ZNF331: variants seen among roughly 807,000 people sequenced by gnomAD.
The protein encoded by ZNF331 is C2H2-like zinc finger protein rearranged in thyroid adenomas.
ZNF331 carries 2 observed loss-of-function variants against 7.0 expected under a neutral mutation model. The ratio of observed to expected loss-of-function variants is 0.29; its 90% CI spans 0.12 to 0.90. ZNF331 has a LOEUF of 0.90. Among genes scored for constraint, ZNF331 ranks in the 40% least tolerant of loss-of-function variants. ZNF331 has a pLI of 0.58. For synonymous variants in ZNF331, 196 were observed against 205.4 expected, an observed-to-expected ratio of 0.95 and a Z score of 0.39; for missense variants, 432 against 587.7, an observed-to-expected ratio of 0.74 and a Z score of 2.74.
intron 2 of ZNF331, among the ~76,000 whole-genome samples, chr19:53,545,019 C>T (rs116985195): frequency 0.018 from 2,700 of 152,230 alleles, 34 homozygotes; most frequent in Middle Eastern, 0.044. Flanking sequence ...CCACCATGCC[C>T]GGCCTGTACT....
chr19:53,508,535 A>G, the ZNF331 span, among the ~76,000 whole-genome samples: 2 of 151,998 alleles, frequency 1.3e-5, no homozygotes, highest in East Asian at 1.9e-4. Flanking sequence ...AGAAGGAGAC[A>G]TCCTTTTGGA....
In ZNF331 at chr19:53,577,503, A is replaced by G; in HGVS notation, c.943A>G (p.Thr315Ala). 2 of 1,612,784 alleles carry G rather than the reference A, an allele frequency of 1.2e-6. No individual in the cohort carries two copies. The highest frequency in any genetic ancestry group is 1.7e-6 in the Non-Finnish European group (2 of 1,178,988). The change falls in exon 6 of 6, where the codon ACT becomes GCT. Residue 315 changes from threonine to alanine, a missense_variant. This residue lies in a region of ZNF331 where 312 missense variants were observed against 448.6 expected (regional missense o/e 0.70). Coordinates refer to ENST00000449416, the MANE Select transcript of ZNF331 (RefSeq NM_001079906.2). Reference protein sequence around the residue: ...GKAFTRVNYLTQHQKIHTGEK... With the variant: ...GKAFTRVNYLAQHQKIHTGEK... ...GGCCTTTACTCGAGTCAATTACCTT[A>G]CTCAGCATCAGAAGATCCACACCGG... is the stretch of plus-strand genomic sequence containing the variant.
intron 3 of ZNF331, among the ~76,000 whole-genome samples, chr19:53,565,517 T>C (rs1032123156): frequency 2.6e-5 from 4 of 151,958 alleles, no homozygotes; most frequent in African/African-American, 9.7e-5. Flanking sequence ...TCCTTTATCC[T>C]TTTTTATTTT....
intron 5 of ZNF331, among the ~76,000 whole-genome samples, chr19:53,572,584 CAT>C (rs1282664618): frequency 1.2e-4 from 9 of 75,804 alleles, no homozygotes; most frequent in Admixed American, 4.6e-4. Flanking sequence ...TATATATACA[CAT>C]ATATATTATA....
At chr19:53,518,474 T>C (rs2086959358), upstream of ZNF331, among the ~76,000 whole-genome samples, 1 of 152,124 alleles carries the variant, frequency 6.6e-6, no homozygotes, top group Non-Finnish European at 1.5e-5. Context: ...TAAACTTCCT[T>C]TCCTATAGAC....
upstream of ZNF331, among the ~76,000 whole-genome samples, chr19:53,537,006 C>T (rs1282615000): frequency 6.6e-6 from 1 of 152,200 alleles, no homozygotes; most frequent in African/African-American, 2.4e-5. Context: ...TTATATACTA[C>T]AATCACCAGC....
chr19:53,529,273 G>T (rs561314829), intron 2 of ZNF331, among the ~76,000 whole-genome samples: 1 of 151,918 alleles, frequency 6.6e-6, no homozygotes, highest in Non-Finnish European at 1.5e-5. Flanking sequence ...GGTGGTAGGC[G>T]CATGTAGTCG....
At chr19:53,526,560 TC>T (rs201547263) in intron 2 of ZNF331, among the ~76,000 whole-genome samples, 1 of 147,704 alleles carries the variant, frequency 6.8e-6, no homozygotes, top group African/African-American at 2.5e-5. Context: ...ATTTTTTTTT[TC>T]TTTTTTTTTT....
chr19:53,566,194 C>T (rs1017970475), intron 3 of ZNF331, among the ~76,000 whole-genome samples: 21 of 151,946 alleles, frequency 1.4e-4, no homozygotes, highest in African/African-American at 5.1e-4. Context: ...GGGCATCACA[C>T]CGGATGTGCC....
chr19:53,536,783 A>T (rs932122241), upstream of ZNF331, among the ~76,000 whole-genome samples: 1 of 152,194 alleles, frequency 6.6e-6, no homozygotes, highest in Non-Finnish European at 1.5e-5. Flanking sequence ...CATGCCTGTC[A>T]TCCCAGCTAC....
intron 3 of ZNF331, among the ~76,000 whole-genome samples, chr19:53,568,485 C>T (rs1268602153): frequency 1.3e-5 from 2 of 152,270 alleles, no homozygotes; most frequent in Admixed American, 1.3e-4. Context: ...CATGGTTAAT[C>T]TTAGTGTCCA....
intron 3 of ZNF331, among the ~76,000 whole-genome samples, chr19:53,559,966 C>G (rs1410093018): frequency 6.8e-6 from 1 of 147,076 alleles, no homozygotes; most frequent in Non-Finnish European, 1.5e-5. Context: ...ACATATACAC[C>G]CCGTACACAT....
upstream of ZNF331, among the ~76,000 whole-genome samples, chr19:53,517,574 A>T (rs896201207): frequency 2.0e-5 from 3 of 152,156 alleles, no homozygotes; most frequent in Non-Finnish European, 2.9e-5. Context: ...CTCAGCCCAG[A>T]CCAGGAGACT....
At chr19:53,568,686 C>T (rs564136801) in intron 3 of ZNF331, among the ~76,000 whole-genome samples, 2 of 151,626 alleles carry the variant, frequency 1.3e-5, no homozygotes, top group East Asian at 1.9e-4. Context: ...CCCACCCATC[C>T]GTCCCCGACA....
chr19:53,558,566 C>G lies in ZNF331; in HGVS notation c.-74+2658C>G, dbSNP rs895294534. On this transcript the variant is annotated intron_variant, in intron 3 of 5. Coordinates refer to ENST00000449416, the MANE Select transcript of ZNF331 (RefSeq NM_001079906.2). This position sits in a 1 kb window ranked among gnomAD's most constrained non-coding sequence, Gnocchi z 4.5. Reference sequence around the variant, plus strand: ...TTGAGTGGGGAAACTCAAGGCCCGTCTGTTCAGATTCTTCTTGGCCTCTCA... The same window carrying G: ...TTGAGTGGGGAAACTCAAGGCCCGTGTGTTCAGATTCTTCTTGGCCTCTCA... 6.6e-6 allele frequency among the ~76,000 whole-genome samples: 1 copy of G among 152,052 alleles called. No homozygotes were observed. Among genetic ancestry groups the G allele is most frequent in the Non-Finnish European group, 1.5e-5 (1 of 67,996 alleles).
chr19:53,541,846 ATAAAAAAT>A lies in ZNF331; in HGVS notation c.-138+2566_-138+2573del, dbSNP rs1486286871. Among the ~76,000 whole-genome samples, 4 of 152,258 alleles carry A rather than the reference ATAAAAAAT, an allele frequency of 2.6e-5. No individual in the cohort carries two copies. In the East Asian group the frequency reaches 7.7e-4, roughly 29 times the overall value. ...ACAGTGAGACTCCATCTCTACTAAA[ATAAAAAAT>A]TGAAAAAGATTAGCCAGGCATGGTG... On this transcript the variant is annotated intron_variant, in intron 2 of 5. Transcript: ENST00000449416.
chr19:53,510,474 G>C, the ZNF331 span, among the ~76,000 whole-genome samples: 2 of 144,148 alleles, frequency 1.4e-5, no homozygotes, highest in African/African-American at 5.2e-5. Context: ...TTTTAAATCA[G>C]ACCTTTATCT....
the ZNF331 span, among the ~76,000 whole-genome samples, chr19:53,504,456 C>A: frequency 1.3e-5 from 2 of 151,084 alleles, no homozygotes; most frequent in South Asian, 2.1e-4. Flanking sequence ...CCTGATCCCC[C>A]CTCCACCCAC....
chr19:53,558,338 T>TC lies in ZNF331; in HGVS notation c.-74+2433dup, dbSNP rs1436016803. Among the ~76,000 whole-genome samples the TC allele has an allele frequency of 6.6e-6, 1 of 152,144 alleles. No individual in the cohort carries two copies. Among genetic ancestry groups the TC allele is most frequent in the Admixed American group, 6.5e-5 (1 of 15,280 alleles). Reference sequence around the variant, plus strand: ...GAGTCCCAAGCACAGGAGCTTCTGTTCCCGTGGAATTGGGGTGCGCCACCT... The same window carrying TC: ...GAGTCCCAAGCACAGGAGCTTCTGTTCCCCGTGGAATTGGGGTGCGCCACCT... On this transcript the variant is annotated intron_variant, in intron 3 of 5. Coordinates refer to ENST00000449416, the MANE Select transcript of ZNF331 (RefSeq NM_001079906.2). This position sits in a 1 kb window ranked among gnomAD's most constrained non-coding sequence, Gnocchi z 4.5.
Sources: allele counts gnomAD v4.1 joint callset (sites outside exome capture counted in the v4.1 genomes callset), GRCh38; gene constraint gnomAD v4.1.1; regional missense constraint gnomAD v4.1.1; non-coding constraint Gnocchi (gnomAD v3.1); transcripts MANE v1.5; gene names NCBI Gene and HGNC (gene_info 2026-07-23, HGNC 2026-07-21).